Variants in KIAA1210 observed in about 807,000 individuals in gnomAD.
KIAA1210 encodes the protein KIAA1210, also known as acrosomal protein KIAA1210.
Under a neutral mutation model 78.9 loss-of-function variants are expected in KIAA1210, and 48 were observed. The observed-to-expected ratio is 0.61, with a 90% CI of 0.48 to 0.77. The LOEUF is 0.77. Ranked by LOEUF, KIAA1210 falls within the 30% of genes least tolerant of loss-of-function variation. KIAA1210 has a pLI of 0.00. For missense variants in KIAA1210, 1,108 were observed against 1,100.0 expected (o/e 1.01, Z -0.10); for synonymous variants, 406 against 404.5 (o/e 1.00, Z -0.04).
chrX:119,123,107 CAT>C (rs1327782432), intron 2 of KIAA1210, among the ~76,000 whole-genome samples: 2 of 112,318 alleles, frequency 1.8e-5, no homozygotes, highest in African/African-American at 6.5e-5. Context: ...ACCTATCACT[CAT>C]AGATTGTGCC....
At chrX:119,130,705 T>C (rs747883235), upstream of KIAA1210, among the ~76,000 whole-genome samples, 4 of 112,394 alleles carry the variant, frequency 3.6e-5, no homozygotes, top group Non-Finnish European at 7.5e-5. Flanking sequence ...ATGAAAAAGC[T>C]GGCAAACCGA....
intron 2 of KIAA1210, among the ~76,000 whole-genome samples, chrX:119,119,992 AAAAG>A (rs1279579099): frequency 4.8e-5 from 3 of 63,139 alleles, no homozygotes; most frequent in African/African-American, 4.2e-5. Context: ...AAAAAAAAAA[AAAAG>A]AAAGAAAGAA....
At chrX:119,121,572 G>GA (rs1928458388) in intron 2 of KIAA1210, among the ~76,000 whole-genome samples, 2 of 109,283 alleles carry the variant, frequency 1.8e-5, no homozygotes, top group South Asian at 8.1e-4. Context: ...ATTGAAGGCT[G>GA]TTTTTTCTCC....
rs756696439 is a variant in KIAA1210 at position 119,087,780 on chromosome X, C to G, written c.2922G>C (p.Gly974=). The change falls in exon 9 of 12, where the codon GGG becomes GGC. Residue 974 remains glycine (G), a synonymous_variant. Transcript: ENST00000691062. ...ERAAIEADIS[G]SPLPPQYATQ... is the part of the protein sequence containing the mutation. Reference sequence around the variant, plus strand: ...TAGCATATTGGGGAGGCAATGGACTCCCAGAAATGTCTGCCTCAATAGCAG... The same window carrying G: ...TAGCATATTGGGGAGGCAATGGACTGCCAGAAATGTCTGCCTCAATAGCAG... 1 of 1,210,167 alleles carries G rather than the reference C, an allele frequency of 8.3e-7. No homozygotes were observed.
intron 2 of KIAA1210, among the ~76,000 whole-genome samples, chrX:119,135,646 G>T (rs999945409): frequency 5.3e-5 from 6 of 112,159 alleles, no homozygotes; most frequent in African/African-American, 1.6e-4. Flanking sequence ...ATGTGTCTAA[G>T]GCTTTTGATC....
At position 119,087,356 on chromosome X, in the gene KIAA1210, G is replaced by T. The variant is rs1927182207; in HGVS notation, c.3346C>A (p.Leu1116Met). ...PGKCSSFKEQ[L>M]SPRQLSQALR... Reference sequence around the variant, plus strand: ...GCCTGGGAAAGCTGCCTGGGAGACAGCTGCTCTTTAAAACTGCTGCACTTC... The same window carrying T: ...GCCTGGGAAAGCTGCCTGGGAGACATCTGCTCTTTAAAACTGCTGCACTTC... Residue 1116 changes from leucine (L) to methionine (M), a missense_variant, in exon 9 of 12, where the codon CTG becomes ATG. Around this residue, in one of 5 missense-constraint regions of KIAA1210, gnomAD observed 5 missense variants for 18.2 expected, o/e 0.27. Transcript: ENST00000691062. The T allele has an allele frequency of 8.3e-7, 1 of 1,209,725 alleles. No individual in the cohort carries two copies. The highest frequency in any genetic ancestry group is 1.1e-6 in the Non-Finnish European group (1 of 895,047).
chrX:119,125,490 C>T (rs1318740924), intron 1 of KIAA1210, among the ~76,000 whole-genome samples: 1 of 106,412 alleles, frequency 9.4e-6, no homozygotes, highest in East Asian at 3.0e-4. Flanking sequence ...ATGACTCACT[C>T]CATGTCATGC....
intron 2 of KIAA1210, among the ~76,000 whole-genome samples, chrX:119,121,791 C>A (rs1447915901): frequency 1.8e-5 from 2 of 108,167 alleles, no homozygotes; most frequent in African/African-American, 6.7e-5. Context: ...TTTTTTGAGA[C>A]GGAGTCTCGC....
chrX:119,139,601 T>C (rs1190341923), intron 2 of KIAA1210, among the ~76,000 whole-genome samples: 1 of 111,870 alleles, frequency 8.9e-6, no homozygotes, highest in Non-Finnish European at 1.9e-5. Context: ...GTGGTGGTAA[T>C]GACCTGTGTT....
At chrX:119,135,897 T>C (rs1389851537) in intron 2 of KIAA1210, among the ~76,000 whole-genome samples, 2 of 110,744 alleles carry the variant, frequency 1.8e-5, no homozygotes, top group Non-Finnish European at 3.8e-5. Flanking sequence ...CTACTAAAAA[T>C]ACAAAAATTA....
At chrX:119,133,190 G>A (rs534650875) in intron 2 of KIAA1210, among the ~76,000 whole-genome samples, 13 of 111,686 alleles carry the variant, frequency 1.2e-4, no homozygotes, top group Middle Eastern at 9.2e-3. Context: ...CAGGGGAAAG[G>A]AGGCTATAAT....
intron 7 of KIAA1210, among the ~76,000 whole-genome samples, 173 bp downstream of exon 7, chrX:119,096,321 G>C (rs1569314964): frequency 8.9e-6 from 1 of 112,392 alleles, no homozygotes; most frequent in Non-Finnish European, 1.9e-5. Context: ...GCAGATGCAA[G>C]CTTGCTCACC....
At chrX:119,118,786 AT>A (rs1355867895) in intron 2 of KIAA1210, among the ~76,000 whole-genome samples, 1 of 112,378 alleles carries the variant, frequency 8.9e-6, no homozygotes, top group East Asian at 2.8e-4. Context: ...CTCCTCACTC[AT>A]TCATTCGTTC....
upstream of KIAA1210, among the ~76,000 whole-genome samples, chrX:119,132,554 GAA>G (rs1368656024): frequency 9.0e-6 from 1 of 111,044 alleles, no homozygotes; most frequent in Non-Finnish European, 1.9e-5. Flanking sequence ...CAAAATGTTA[GAA>G]CATGCAAAAT....
upstream of KIAA1210, among the ~76,000 whole-genome samples, chrX:119,128,396 C>T (rs992554199): frequency 9.1e-6 from 1 of 109,841 alleles, no homozygotes; most frequent in Non-Finnish European, 1.9e-5. Flanking sequence ...GCAAGCCCAC[C>T]CCCATGCTCC....
intron 5 of KIAA1210, 92 bp from the exon 6 acceptor site, chrX:119,105,239 A>T (rs1197722397): frequency 2.1e-6 from 2 of 936,610 alleles, no homozygotes; most frequent in African/African-American, 4.1e-5. Context: ...AAGAGTAAGG[A>T]ATCCAAAGTT....
rs761888700 is a variant in KIAA1210 at position 119,089,297 on chromosome X, T to C, written c.1405A>G (p.Met469Val). The change falls in exon 9 of 12, where the codon ATG becomes GTG. Residue 469 changes from methionine (M) to valine (V), a missense_variant. By Grantham distance (21) the Met-to-Val change is conservative. This residue lies in a region of KIAA1210 where 672 missense variants were observed against 607.1 expected (regional missense o/e 1.11). Transcript: ENST00000691062. ...QPIPENMDNS[M>V]VSDPQPYHED... ...TGGTATGGTTGTGGATCACTAACCATGGAATTGTCCATGTTTTCAGGTATG... is the reference window on the plus strand; with the variant it reads ...TGGTATGGTTGTGGATCACTAACCACGGAATTGTCCATGTTTTCAGGTATG... 2.0e-5 allele frequency: 24 copies of C among 1,210,210 alleles called. No individual in the cohort carries two copies. In the Admixed American group the frequency reaches 5.2e-4, roughly 26 times the overall value.
chrX:119,112,560 C>T (rs1312381156), intron 3 of KIAA1210, among the ~76,000 whole-genome samples: 1 of 112,044 alleles, frequency 8.9e-6, no homozygotes, highest in African/African-American at 3.2e-5. Context: ...CCAACAAGTA[C>T]ATGAAAAGAT....
At chrX:119,126,181 C>A (rs1283610633) in intron 1 of KIAA1210, among the ~76,000 whole-genome samples, 1 of 104,635 alleles carries the variant, frequency 9.6e-6, no homozygotes, top group Non-Finnish European at 2.0e-5. Flanking sequence ...TGCTTTCTAG[C>A]TGTAAACCCC....
Sources: allele counts gnomAD v4.1 joint callset (sites outside exome capture counted in the v4.1 genomes callset), GRCh38; gene constraint gnomAD v4.1.1; regional missense constraint gnomAD v4.1.1; transcripts MANE v1.5; gene names NCBI Gene and HGNC (gene_info 2026-07-23, HGNC 2026-07-21).